MBNL2: variants seen among roughly 807,000 people sequenced by gnomAD.
MBNL2 encodes muscleblind like splicing regulator 2.
In MBNL2, 17 loss-of-function variants were observed where a neutral mutation model predicts 41.9. The ratio of observed to expected loss-of-function variants is 0.41; its 90% CI spans 0.28 to 0.61. The LOEUF is 0.61. Among genes scored for constraint, MBNL2 ranks in the 20% least tolerant of loss-of-function variants. The pLI is 0.35. For missense variants in MBNL2, 336 were observed against 505.6 expected, an observed-to-expected ratio of 0.66 and a Z score of 3.22; for synonymous variants, 195 against 182.9, an observed-to-expected ratio of 1.07 and a Z score of -0.53.
At chr13:97,313,028 C>T (rs186458597) in intron 2 of MBNL2, among the ~76,000 whole-genome samples, 1 of 152,206 alleles carries the variant, frequency 6.6e-6, no homozygotes, top group African/African-American at 2.4e-5. Context: ...GGGTAGCAAT[C>T]GTCTACAGAG....
intron 2 of MBNL2, among the ~76,000 whole-genome samples, chr13:97,291,089 TGGAGGAGGGATGGTAGGA>T (rs1329063931): frequency 6.6e-6 from 1 of 151,974 alleles, no homozygotes; most frequent in East Asian, 1.9e-4. Flanking sequence ...CCAGTCAGCC[TGGAGGAGGGATGGTAGGA>T]GGAGGAAGGG....
At chr13:97,222,640 A>G (rs1473966581) in intron 1 of MBNL2, 109 bp downstream of exon 1, 3 of 394,550 alleles carry the variant, frequency 7.6e-6, no homozygotes, top group African/African-American at 4.1e-5. Context: ...CACTAATTCA[A>G]TTGTAATACT....
chr13:97,222,667 G>A (rs1215614042), intron 1 of MBNL2, 136 bp downstream of exon 1: 2 of 391,414 alleles, frequency 5.1e-6, no homozygotes, highest in Non-Finnish European at 9.0e-6. Context: ...GGACCCTGGA[G>A]TTTTACGTAA....
At chr13:97,330,729 A>C (rs1359289113) in intron 2 of MBNL2, among the ~76,000 whole-genome samples, 2 of 152,218 alleles carry the variant, frequency 1.3e-5, no homozygotes, top group Non-Finnish European at 2.9e-5. Flanking sequence ...TATCCTGGCA[A>C]ATCTTATGCC....
chr13:97,264,973 A>G (rs141038353), intron 1 of MBNL2, among the ~76,000 whole-genome samples: 1 of 152,354 alleles, frequency 6.6e-6, no homozygotes, highest in Non-Finnish European at 1.5e-5. Flanking sequence ...CTCTAATACA[A>G]TTGCTTTTAT....
At chr13:97,218,364 C>T (rs546615914), upstream of MBNL2, among the ~76,000 whole-genome samples, 8 of 149,702 alleles carry the variant, frequency 5.3e-5, no homozygotes, top group African/African-American at 1.7e-4. Flanking sequence ...GAGCCAAGAT[C>T]GCGCCACTAC....
intron 1 of MBNL2, among the ~76,000 whole-genome samples, chr13:97,228,604 C>T (rs1450025273): frequency 6.7e-6 from 1 of 148,958 alleles, no homozygotes; most frequent in Non-Finnish European, 1.5e-5. Flanking sequence ...TCTCAGCTCA[C>T]TGCCAACCTC....
At chr13:97,164,832 C>T in the MBNL2 span, among the ~76,000 whole-genome samples, 2 of 152,186 alleles carry the variant, frequency 1.3e-5, no homozygotes, top group African/African-American at 4.8e-5. Context: ...ACCAGGGCTC[C>T]TTGGCCACAT....
In MBNL2 at chr13:97,364,447, G is replaced by A. The variant is rs147862270; in HGVS notation, c.1013-689G>A. On this transcript the variant is annotated intron_variant, in intron 7 of 8. Coordinates refer to ENST00000679496, the MANE Select transcript of MBNL2 (RefSeq NM_001382683.1). ...AATCTTACAACAGAGAGAAGACCAC[G>A]TACTCATACAGGTCATTCCCTGTAA... 4.7e-3 allele frequency among the ~76,000 whole-genome samples: 709 copies of A among 152,204 alleles called. 8 individuals carry two copies. The highest frequency in any genetic ancestry group is 0.016 in the African/African-American group (674 of 41,538).
intron 2 of MBNL2, among the ~76,000 whole-genome samples, chr13:97,285,701 T>G (rs1179189809): frequency 6.6e-6 from 1 of 152,044 alleles, no homozygotes; most frequent in East Asian, 1.9e-4. Flanking sequence ...TCCTAAACAC[T>G]GGGAATATAA....
rs190018356 is a variant in MBNL2, at chr13:97,252,109, C to T, written c.-604-23523C>T. On this transcript the variant is annotated intron_variant, in intron 1 of 8. Coordinates refer to ENST00000679496, the MANE Select transcript of MBNL2 (RefSeq NM_001382683.1). ...TCATGATCCACCCGCCTCGGCCTCCCAAAGTGCTGGGATTACAGGCGTGAG... is the reference window on the plus strand; with the variant it reads ...TCATGATCCACCCGCCTCGGCCTCCTAAAGTGCTGGGATTACAGGCGTGAG... Among the ~76,000 whole-genome samples, 313 of 152,082 alleles carry T rather than the reference C, an allele frequency of 2.1e-3. 2 individuals are homozygous for T. The highest frequency in any genetic ancestry group is 7.2e-3 in the African/African-American group (298 of 41,510).
At chr13:97,205,838 T>G in the MBNL2 span, among the ~76,000 whole-genome samples, 1 of 152,244 alleles carries the variant, frequency 6.6e-6, no homozygotes, top group African/African-American at 2.4e-5. Flanking sequence ...CATGCACGAC[T>G]GATGTTAAAT....
chr13:97,287,685 G>A (rs966389098), intron 2 of MBNL2, among the ~76,000 whole-genome samples: 1 of 135,422 alleles, frequency 7.4e-6, no homozygotes, highest in Non-Finnish European at 1.6e-5. Context: ...TGATTATTAT[G>A]TTTATTTCTT....
At chr13:97,261,979 T>C (rs143398206) in intron 1 of MBNL2, among the ~76,000 whole-genome samples, 1 of 152,318 alleles carries the variant, frequency 6.6e-6, no homozygotes, top group African/African-American at 2.4e-5. Flanking sequence ...CAAGCTCTTG[T>C]CCTGTTTTTC....
the MBNL2 span, among the ~76,000 whole-genome samples, chr13:97,191,498 A>G: frequency 6.6e-6 from 1 of 151,950 alleles, no homozygotes; most frequent in Non-Finnish European, 1.5e-5. Flanking sequence ...TCTTTAGCTG[A>G]ACTAAGGAAA....
chr13:97,241,824 G>C (rs1206415393), intron 1 of MBNL2, among the ~76,000 whole-genome samples: 1 of 152,180 alleles, frequency 6.6e-6, no homozygotes, highest in African/African-American at 2.4e-5. Flanking sequence ...AGAGTTAGGC[G>C]AGTTGGGTCT....
chr13:97,359,405 A>G (rs982869347), intron 7 of MBNL2, among the ~76,000 whole-genome samples: 1 of 152,214 alleles, frequency 6.6e-6, no homozygotes, highest in Non-Finnish European at 1.5e-5. Context: ...TAAGCCTGCC[A>G]AAAGAATCTG....
intron 5 of MBNL2, among the ~76,000 whole-genome samples, chr13:97,351,425 T>C (rs2062441412): frequency 6.6e-6 from 1 of 152,228 alleles, no homozygotes; most frequent in Admixed American, 6.5e-5. Flanking sequence ...CTTTGAAGGT[T>C]TGAAGCTAGT....
intron 2 of MBNL2, among the ~76,000 whole-genome samples, chr13:97,310,187 G>A (rs999697971): frequency 9.9e-5 from 15 of 152,066 alleles, no homozygotes; most frequent in Non-Finnish European, 1.9e-4. Context: ...GGTTAGTTCC[G>A]GCTCTGACTC....
Sources: gnomAD v4.1 joint callset for allele counts (sites outside exome capture counted in the v4.1 genomes callset) on GRCh38, gnomAD v4.1.1 for gene constraint, MANE v1.5 for transcripts, NCBI Gene and HGNC (gene_info 2026-07-23, HGNC 2026-07-21) for gene names.